Variants in NUP153 observed in about 807,000 individuals in gnomAD.
NUP153 encodes nuclear pore complex protein Nup153.
In NUP153, 27 loss-of-function variants were observed where a neutral mutation model predicts 134.6. That is an observed-to-expected ratio of 0.20 (90% confidence interval 0.15 to 0.28). The LOEUF (loss-of-function observed/expected upper bound fraction) is 0.28, where lower values mean the gene tolerates loss of function less well. Ranked by LOEUF, NUP153 falls within the 10% of genes least tolerant of loss-of-function variation. The pLI is 1.00. For synonymous variants in NUP153, 640 were observed against 623.5 expected (o/e 1.03, Z -0.40); for missense variants, 1,821 against 1,731.3 (o/e 1.05, Z -0.92).
chr6:17,647,521 T>G (rs374223182), intron 13 of NUP153, among the ~76,000 whole-genome samples: 43 of 152,324 alleles, frequency 2.8e-4, no homozygotes, highest in African/African-American at 1.0e-3. Context: ...ATTGTGGGGA[T>G]GCAAAGGAAT....
intron 16 of NUP153, among the ~76,000 whole-genome samples, chr6:17,635,347 G>T (rs913887006): frequency 6.6e-6 from 1 of 151,952 alleles, no homozygotes; most frequent in Non-Finnish European, 1.5e-5. Context: ...CTGACCTGGT[G>T]ATCCACTCGC....
At chr6:17,634,979 T>A (rs114009444) in intron 16 of NUP153, among the ~76,000 whole-genome samples, 4 of 149,576 alleles carry the variant, frequency 2.7e-5, no homozygotes, top group African/African-American at 7.4e-5. Flanking sequence ...AATTAAAAAA[T>A]AAAAAAAAAA....
At chr6:17,616,265 G>T in intron 21 of NUP153, 84 bp from the exon 22 acceptor site, 1 of 539,144 alleles carries the variant, frequency 1.9e-6, no homozygotes, top group Non-Finnish European at 3.2e-6. Context: ...AGCAGCACAA[G>T]GGTAAGGGGG....
intron 1 of NUP153, among the ~76,000 whole-genome samples, chr6:17,692,421 G>A (rs1219192815): frequency 6.6e-6 from 1 of 152,176 alleles, no homozygotes; most frequent in African/African-American, 2.4e-5. Flanking sequence ...GGCTGAGACA[G>A]GAGAATCACT....
At chr6:17,697,642 C>T (rs13208473) in intron 1 of NUP153, among the ~76,000 whole-genome samples, 16,158 of 152,138 alleles carry the variant, frequency 0.11, 919 homozygotes, top group Admixed American at 0.13. Flanking sequence ...GAGCCGAGAT[C>T]ACATCACTGC....
At chr6:17,623,431 C>T (rs1764758220) in intron 20 of NUP153, among the ~76,000 whole-genome samples, 1 of 144,106 alleles carries the variant, frequency 6.9e-6, no homozygotes, top group Non-Finnish European at 1.5e-5. Context: ...CATATAAGAA[C>T]TCATACAATG....
chr6:17,686,550 C>G (rs1358627335), intron 2 of NUP153, among the ~76,000 whole-genome samples: 1 of 151,802 alleles, frequency 6.6e-6, no homozygotes, highest in Non-Finnish European at 1.5e-5. Context: ...CATGTGCCAC[C>G]ATGCCTGGCT....
intron 20 of NUP153, among the ~76,000 whole-genome samples, chr6:17,618,389 T>C (rs896644819): frequency 6.6e-6 from 1 of 151,844 alleles, no homozygotes; most frequent in Non-Finnish European, 1.5e-5. Flanking sequence ...GAAAACTGAC[T>C]CAGCAAAGAA....
chr6:17,637,821 A>G (rs1267634020), intron 15 of NUP153, 51 bp from the exon 16 acceptor site: 1 of 1,527,338 alleles, frequency 6.5e-7, no homozygotes, highest in Non-Finnish European at 8.7e-7. Context: ...TTATAAATCA[A>G]AGCATTAATT....
intron 1 of NUP153, among the ~76,000 whole-genome samples, chr6:17,702,404 A>T (rs565454598): frequency 2.6e-5 from 4 of 152,290 alleles, no homozygotes; most frequent in Non-Finnish European, 5.9e-5. Context: ...GCTACTCGGG[A>T]GGCTGAGGCA....
At chr6:17,679,937 C>A (rs1263165165) in intron 2 of NUP153, among the ~76,000 whole-genome samples, 1 of 152,156 alleles carries the variant, frequency 6.6e-6, no homozygotes, top group Non-Finnish European at 1.5e-5. Flanking sequence ...TTGTTGCCAC[C>A]GGCCAGACCA....
chr6:17,675,128 G>A lies in NUP153; in HGVS notation c.724-95C>T, dbSNP rs983976193. ...ATCATGCTGCTACACACTCAAGCCT[G>A]GGCAACAGCAAAAGACTCTTGTCTC... is the stretch of plus-strand genomic sequence containing the variant. On this transcript the variant is annotated intron_variant, in intron 4 of 21. Coordinates refer to ENST00000262077, the MANE Select transcript of NUP153 (RefSeq NM_005124.4). This position sits in a 1 kb window ranked among gnomAD's most constrained non-coding sequence, Gnocchi z 4.4. 2.6e-6 allele frequency: 4 copies of A among 1,547,322 alleles called. No homozygotes were observed. In the Admixed American group the frequency reaches 5.8e-5, roughly 22 times the overall value.
At chr6:17,698,498 G>A (rs1468830179) in intron 1 of NUP153, among the ~76,000 whole-genome samples, 4 of 152,150 alleles carry the variant, frequency 2.6e-5, no homozygotes, top group Non-Finnish European at 5.9e-5. Context: ...CAGCACTTTG[G>A]GAGGCCGAGG....
Position 17,615,889 on chromosome 6 carries a change from G to A in NUP153, c.*208C>T. Reference sequence around the variant, plus strand: ...ATAAAATATTTTTGCTGAAGAATCAGTCACCAGTCTAGCTATTTATTTATT... The same window carrying A: ...ATAAAATATTTTTGCTGAAGAATCAATCACCAGTCTAGCTATTTATTTATT... On this transcript the variant is annotated 3_prime_UTR_variant, in exon 22 of 22. Coordinates refer to ENST00000262077, the MANE Select transcript of NUP153 (RefSeq NM_005124.4). This position sits in a 1 kb window ranked among gnomAD's most constrained non-coding sequence, Gnocchi z 5.7. The A allele has an allele frequency of 2.0e-6, 1 of 495,282 alleles. No homozygotes were observed. Among genetic ancestry groups the A allele is most frequent in the East Asian group, 3.2e-5 (1 of 30,814 alleles). The allele number at this position is 495,282 out of a possible 1,614,324, so 30.7% of individuals were successfully genotyped here. A position where few individuals can be genotyped will look rare whatever the true frequency, so the allele number is the denominator to read the frequency against.
At chr6:17,639,652 G>T (rs554134956) in intron 15 of NUP153, among the ~76,000 whole-genome samples, 1 of 152,154 alleles carries the variant, frequency 6.6e-6, no homozygotes, top group Non-Finnish European at 1.5e-5. Context: ...ATGTCTATGT[G>T]TATCATCAGG....
chr6:17,628,563 A>T lies in NUP153; in HGVS notation c.3544+92T>A. On this transcript the variant is annotated intron_variant, in intron 18 of 21. Coordinates refer to ENST00000262077, the MANE Select transcript of NUP153 (RefSeq NM_005124.4). The surrounding 1 kb of genome is among the most constrained non-coding windows in gnomAD (Gnocchi z 5.4). ...TCAACTATGTTCAGTGTAAACCATT[A>T]ATTGACTTGCTGCATCTGTCAAGGC... 1 of 606,298 alleles carries T rather than the reference A, an allele frequency of 1.6e-6. No individual in the cohort carries two copies. The highest frequency in any genetic ancestry group is 2.4e-6 in the Non-Finnish European group (1 of 422,600). The allele number at this position is 606,298 out of a possible 1,614,324, so 37.6% of individuals were successfully genotyped here. A position where few individuals can be genotyped will look rare whatever the true frequency, so the allele number is the denominator to read the frequency against.
intron 20 of NUP153, among the ~76,000 whole-genome samples, chr6:17,618,674 T>C (rs1764471682): frequency 6.6e-6 from 1 of 151,388 alleles, no homozygotes; most frequent in Non-Finnish European, 1.5e-5. Flanking sequence ...CACGCCATTC[T>C]CCTGCCTCAG....
intron 11 of NUP153, among the ~76,000 whole-genome samples, chr6:17,655,142 A>G (rs1766737756): frequency 6.6e-6 from 1 of 152,232 alleles, no homozygotes; most frequent in Admixed American, 6.5e-5. Flanking sequence ...ACACACAAAA[A>G]AACTCATGGA....
At chr6:17,668,045 C>A (rs1581731870) in intron 8 of NUP153, among the ~76,000 whole-genome samples, 1 of 146,040 alleles carries the variant, frequency 6.8e-6, no homozygotes, top group African/African-American at 2.5e-5. Context: ...TGATGATGTG[C>A]AATGAGGACT....
Sources: allele counts gnomAD v4.1 joint callset (sites outside exome capture counted in the v4.1 genomes callset), GRCh38; gene constraint gnomAD v4.1.1; non-coding constraint Gnocchi (gnomAD v3.1); transcripts MANE v1.5; gene names NCBI Gene and HGNC (gene_info 2026-07-23, HGNC 2026-07-21).